Variants in TCF12 observed in about 807,000 individuals in gnomAD.
The protein encoded by TCF12 is DNA-binding protein HTF4.
A neutral mutation model predicts 86.0 loss-of-function variants in TCF12; 45 were observed. The observed-to-expected ratio is 0.52, with a 90% confidence interval of 0.41 to 0.67. The LOEUF (loss-of-function observed/expected upper bound fraction) is 0.67. Ranked by LOEUF, TCF12 falls within the 30% of genes least tolerant of loss-of-function variation. The pLI, the probability that TCF12 is intolerant of heterozygous loss-of-function variation, is 0.00. For synonymous variants in TCF12, 330 were observed against 299.6 expected (o/e 1.10, Z -1.05); for missense variants, 881 against 859.9 (o/e 1.02, Z -0.31).
intron 13 of TCF12, among the ~76,000 whole-genome samples, chr15:57,249,380 C>T (rs1445597108): frequency 1.3e-5 from 2 of 149,668 alleles, no homozygotes; most frequent in African/African-American, 2.5e-5. Context: ...CTTTAATGGT[C>T]CTTAAAATAA....
At chr15:56,937,638 A>G (rs1322669930) in intron 3 of TCF12, among the ~76,000 whole-genome samples, 5 of 151,912 alleles carry the variant, frequency 3.3e-5, no homozygotes, top group Non-Finnish European at 7.4e-5. Flanking sequence ...CTCGGAGGGA[A>G]TGCTTTCAAC....
At chr15:57,257,679 G>GTATATATATATATATATATATATATATA (rs55834033) in intron 16 of TCF12, among the ~76,000 whole-genome samples, 8 of 140,370 alleles carry the variant, frequency 5.7e-5, no homozygotes, top group African/African-American at 1.6e-4. Flanking sequence ...AAAAAAAAGT[G>GTATATATATATATATATATATATATATA]TATATATATA....
chr15:57,252,360 A>G (rs1305122662), intron 14 of TCF12, 61 bp from the exon 15 acceptor site: 21 of 1,304,506 alleles, frequency 1.6e-5, no homozygotes, highest in Non-Finnish European at 2.3e-5. Flanking sequence ...CTATTTCCTC[A>G]TCTCTTTTGG....
intron 8 of TCF12, among the ~76,000 whole-genome samples, chr15:57,222,538 T>A (rs1401710211): frequency 1.3e-5 from 2 of 151,812 alleles, no homozygotes; most frequent in Admixed American, 1.3e-4. Context: ...TGTGGGTTTA[T>A]AGTAAGTATG....
intron 5 of TCF12, among the ~76,000 whole-genome samples, chr15:57,147,513 C>A (rs73415449): frequency 6.6e-6 from 1 of 150,782 alleles, no homozygotes; most frequent in African/African-American, 2.4e-5. Context: ...AAAGCTTTAC[C>A]CAAAATAAAC....
chr15:57,193,577 A>G (rs2057095235), intron 7 of TCF12, among the ~76,000 whole-genome samples: 1 of 152,254 alleles, frequency 6.6e-6, no homozygotes, highest in Non-Finnish European at 1.5e-5. Context: ...TTTAAACAAG[A>G]TACTTAAAGC....
chr15:56,927,632 A>G (rs1453825278), intron 3 of TCF12, among the ~76,000 whole-genome samples: 1 of 152,206 alleles, frequency 6.6e-6, no homozygotes, highest in Admixed American at 6.5e-5. Flanking sequence ...TATGATAAAT[A>G]ATGTGGTACT....
At chr15:57,233,097 G>GGTATATATGTATATATGTTTGT (rs1349769976) in intron 11 of TCF12, among the ~76,000 whole-genome samples, 7 of 148,582 alleles carry the variant, frequency 4.7e-5, no homozygotes, top group Non-Finnish European at 1.0e-4. Flanking sequence ...TGTATATATA[G>GGTATATATGTATATATGTTTGT]GTATATATGT....
chr15:57,003,501 C>A (rs182027733), intron 3 of TCF12, among the ~76,000 whole-genome samples: 4 of 152,282 alleles, frequency 2.6e-5, no homozygotes, highest in East Asian at 1.9e-4. Flanking sequence ...GCAGCACTTA[C>A]AATGACTTGG....
intron 18 of TCF12, 136 bp from the exon 19 acceptor site, chr15:57,272,894 A>G: frequency 2.5e-6 from 2 of 784,988 alleles, no homozygotes; most frequent in Non-Finnish European, 4.0e-6. Flanking sequence ...CAGTCATGTT[A>G]ACTGCACCTA....
intron 3 of TCF12, among the ~76,000 whole-genome samples, chr15:57,004,985 A>T (rs1214149831): frequency 6.6e-6 from 1 of 152,204 alleles, no homozygotes; most frequent in Admixed American, 6.5e-5. Context: ...TCTTCCATTC[A>T]TTGAAAGCAT....
chr15:57,180,714 T>A (rs2056277224), intron 6 of TCF12, among the ~76,000 whole-genome samples: 5 of 151,958 alleles, frequency 3.3e-5, no homozygotes, highest in Admixed American at 2.0e-4. Flanking sequence ...TGGAGATATG[T>A]GACTATAACA....
rs373004070 is a variant in TCF12, at chr15:57,279,957, G to A, written c.1979-2488G>A. 3.6e-3 allele frequency among the ~76,000 whole-genome samples: 517 copies of A among 144,126 alleles called. 4 individuals are homozygous for A. Among genetic ancestry groups the A allele is most frequent in the South Asian group, 0.03 (136 of 4,566 alleles). 94.6% of individuals were successfully genotyped at this position (144,126 alleles called of 152,430 possible). A position where few individuals can be genotyped will look rare whatever the true frequency, so the allele number is the denominator to read the frequency against. ...CGCCCAGGCTGGAGTGCAGTGGCGCGATTTCGGCTCACTGCAGACTCCGTC... is the reference window on the plus strand; with the variant it reads ...CGCCCAGGCTGGAGTGCAGTGGCGCAATTTCGGCTCACTGCAGACTCCGTC... On this transcript the variant is annotated intron_variant, in intron 19 of 20. Transcript: ENST00000333725.
At chr15:57,170,738 A>T (rs371475376) in intron 6 of TCF12, among the ~76,000 whole-genome samples, 114 of 1,592 alleles carry the variant, frequency 0.072, 3 homozygotes, top group South Asian at 0.2. Context: ...ATTATATATA[A>T]TATATATTAT....
At chr15:57,180,186 A>G (rs531554864) in intron 6 of TCF12, among the ~76,000 whole-genome samples, 1 of 152,198 alleles carries the variant, frequency 6.6e-6, no homozygotes, top group African/African-American at 2.4e-5. Flanking sequence ...GAAGACTGAC[A>G]TATTATTAAA....
At chr15:57,038,937 A>T (rs1380700044) in intron 3 of TCF12, among the ~76,000 whole-genome samples, 1 of 152,188 alleles carries the variant, frequency 6.6e-6, no homozygotes, top group Non-Finnish European at 1.5e-5. Flanking sequence ...TAGATAGATG[A>T]CTAGGCCTTT....
intron 5 of TCF12, among the ~76,000 whole-genome samples, chr15:57,106,998 G>A (rs1476675160): frequency 6.6e-6 from 1 of 152,244 alleles, no homozygotes; most frequent in African/African-American, 2.4e-5. Flanking sequence ...CACTTTGGAA[G>A]ACAGTTTGAC....
At chr15:57,238,442 A>G (rs1350939048) in intron 12 of TCF12, among the ~76,000 whole-genome samples, 1 of 152,208 alleles carries the variant, frequency 6.6e-6, no homozygotes, top group Non-Finnish European at 1.5e-5. Flanking sequence ...CCTACCTAAC[A>G]GTGTGATATG....
intron 6 of TCF12, among the ~76,000 whole-genome samples, chr15:57,173,231 T>C (rs1429200052): frequency 6.6e-6 from 1 of 152,180 alleles, no homozygotes; most frequent in Non-Finnish European, 1.5e-5. Context: ...AAATGTGATA[T>C]AACAAAATGT....
Sources: gnomAD v4.1 joint callset for allele counts (sites outside exome capture counted in the v4.1 genomes callset) on GRCh38, gnomAD v4.1.1 for gene constraint, MANE v1.5 for transcripts, NCBI Gene and HGNC (gene_info 2026-07-23, HGNC 2026-07-21) for gene names.